Variants in RAD23B observed in about 807,000 individuals in gnomAD.
RAD23B encodes RAD23 nucleotide excision repair protein B.
A neutral mutation model predicts 49.1 loss-of-function variants in RAD23B; 5 were observed. The observed-to-expected ratio is 0.10, with a 90% CI of 0.05 to 0.21. The LOEUF (loss-of-function observed/expected upper bound fraction) is 0.21. Ranked by LOEUF, RAD23B falls within the 10% of genes least tolerant of loss-of-function variation. The pLI is 1.00. For missense variants in RAD23B, 356 were observed against 486.7 expected (o/e 0.73, Z 2.53); for synonymous variants, 184 against 165.4 (o/e 1.11, Z -0.86).
chr9:107,323,700 TA>T (rs1324003378), intron 7 of RAD23B, among the ~76,000 whole-genome samples, 189 bp from the exon 8 acceptor site: 1 of 152,136 alleles, frequency 6.6e-6, no homozygotes, highest in Non-Finnish European at 1.5e-5. Context: ...CTAATAGGAG[TA>T]ATTTTTGCCG....
rs1471504832 is a variant in RAD23B, at chr9:107,318,863, T to C, written c.665T>C (p.Val222Ala). ...RASFNNPDRA[V>A]EYLLMGIPGD... ...AGTTTCAACAACCCTGACAGAGCAG[T>C]GGAGTATCTTTTAATGGTGAGAAAT... Residue 222 changes from valine (V) to alanine (A), a missense_variant, in exon 6 of 10, where the codon GTG becomes GCG. Val to Ala is a moderately conservative substitution (Grantham distance 64). This residue lies in a region of RAD23B where 148 missense variants were observed against 231.7 expected (regional missense o/e 0.64). Coordinates refer to ENST00000358015, the MANE Select transcript of RAD23B (RefSeq NM_002874.5). This position sits in a 1 kb window ranked among gnomAD's most constrained non-coding sequence, Gnocchi z 4.3. 1 of 1,613,046 alleles carries C rather than the reference T, an allele frequency of 6.2e-7. No individual in the cohort carries two copies.
intron 5 of RAD23B, among the ~76,000 whole-genome samples, chr9:107,315,440 A>T (rs2133088641): frequency 6.6e-6 from 1 of 152,244 alleles, no homozygotes; most frequent in Admixed American, 6.5e-5. Flanking sequence ...GACATATATA[A>T]GGTTCTTCAT....
At position 107,331,875 on chromosome 9, in the gene RAD23B, G is replaced by T. The variant is rs1827316472; in HGVS notation, c.*2219G>T. The T allele has an allele frequency of 2.0e-6, 1 of 510,058 alleles. No individual in the cohort carries two copies. Among genetic ancestry groups the T allele is most frequent in the Admixed American group, 3.5e-5 (1 of 28,736 alleles). The allele number at this position is 510,058 out of a possible 1,614,324, so 31.6% of individuals were successfully genotyped here. A position where few individuals can be genotyped will look rare whatever the true frequency, so the allele number is the denominator to read the frequency against. The stretch of plus-strand genomic sequence containing the variant: ...AAGAATCAGCCGAGACACCATAAAA[G>T]AAATAGGCTTTTTGTGCCTTTTGCT... On this transcript the variant is annotated 3_prime_UTR_variant, in exon 10 of 10. Coordinates refer to ENST00000358015, the MANE Select transcript of RAD23B (RefSeq NM_002874.5).
chr9:107,315,765 C>T (rs1049630719), intron 5 of RAD23B, among the ~76,000 whole-genome samples: 3 of 152,046 alleles, frequency 2.0e-5, no homozygotes, highest in South Asian at 2.1e-4. Context: ...CCGCCTGCCT[C>T]GGCCTCCCAG....
intron 3 of RAD23B, among the ~76,000 whole-genome samples, chr9:107,303,381 T>C (rs1432532355): frequency 6.6e-6 from 1 of 152,218 alleles, no homozygotes; most frequent in Non-Finnish European, 1.5e-5. Flanking sequence ...CTAAATAGTT[T>C]ACAAGTGTTG....
At chr9:107,302,839 G>A (rs1162572704) in intron 3 of RAD23B, among the ~76,000 whole-genome samples, 2 of 151,900 alleles carry the variant, frequency 1.3e-5, no homozygotes, top group Admixed American at 6.6e-5. Context: ...TGTATTTTTA[G>A]TAGAGACAGG....
chr9:107,288,498 T>G (rs1014673333), intron 1 of RAD23B, among the ~76,000 whole-genome samples: 3 of 152,168 alleles, frequency 2.0e-5, no homozygotes, highest in Admixed American at 6.5e-5. Context: ...CAAGCTGGAG[T>G]GCAGTGGCGC....
intron 1 of RAD23B, among the ~76,000 whole-genome samples, chr9:107,295,660 G>A (rs778976624): frequency 2.6e-5 from 4 of 152,164 alleles, no homozygotes; most frequent in Non-Finnish European, 5.9e-5. Flanking sequence ...ATGGAGAAGA[G>A]GGCTAACTAG....
intron 1 of RAD23B, 80 bp downstream of exon 1, chr9:107,283,775 G>C (rs915001917): frequency 1.6e-6 from 2 of 1,241,904 alleles, no homozygotes; most frequent in South Asian, 2.5e-5. Context: ...CGGGCGGCGC[G>C]CTCCAGCGGG....
rs575340241 is a variant in RAD23B, at chr9:107,330,775, T to C, written c.*1119T>C. On this transcript the variant is annotated 3_prime_UTR_variant, in exon 10 of 10. Transcript: ENST00000358015. The surrounding 1 kb of genome is among the most constrained non-coding windows in gnomAD (Gnocchi z 4.4). ...CAAAACTATAATCCAGCATCTTTTATTGCATTGGAAAGACTGGCAAAGTCT... is the reference window on the plus strand; with the variant it reads ...CAAAACTATAATCCAGCATCTTTTACTGCATTGGAAAGACTGGCAAAGTCT... The C allele has an allele frequency of 5.8e-4, 89 of 152,768 alleles. No individual in the cohort carries two copies. Among genetic ancestry groups the C allele is most frequent in the African/African-American group, 2.1e-3 (86 of 41,564 alleles). The allele number at this position is 152,768 out of a possible 1,614,324, so 9.5% of individuals were successfully genotyped here. A position where few individuals can be genotyped will look rare whatever the true frequency, so the allele number is the denominator to read the frequency against.
In RAD23B at chr9:107,318,067, C is replaced by T. The variant is rs1392426740; in HGVS notation, c.554-685C>T. 1.3e-5 allele frequency among the ~76,000 whole-genome samples: 2 copies of T among 152,138 alleles called. No homozygotes were observed. The highest frequency in any genetic ancestry group is 6.5e-5 in the Admixed American group (1 of 15,270). Reference sequence around the variant, plus strand: ...TTCCCTGACCTCCTGCTAATTCTCCCTTACCTTCATACCTCATTTTTCTAT... The same window carrying T: ...TTCCCTGACCTCCTGCTAATTCTCCTTTACCTTCATACCTCATTTTTCTAT... On this transcript the variant is annotated intron_variant, in intron 5 of 9. Coordinates refer to ENST00000358015, the MANE Select transcript of RAD23B (RefSeq NM_002874.5). The surrounding 1 kb of genome is among the most constrained non-coding windows in gnomAD (Gnocchi z 4.3).
chr9:107,306,718 A>G, intron 4 of RAD23B, 71 bp downstream of exon 4: 1 of 1,496,494 alleles, frequency 6.7e-7, no homozygotes, highest in Non-Finnish European at 9.1e-7. Context: ...ATTTATTTTG[A>G]TTATTGTTTT....
At chr9:107,301,240 A>G (rs779043519) in intron 2 of RAD23B, among the ~76,000 whole-genome samples, 2 of 152,166 alleles carry the variant, frequency 1.3e-5, no homozygotes, top group Non-Finnish European at 2.9e-5. Flanking sequence ...TACTTTTAGT[A>G]TCTTGCTTTG....
In RAD23B at chr9:107,318,455, C is replaced by G. The variant is rs1345166872; in HGVS notation, c.554-297C>G. 2.0e-5 allele frequency among the ~76,000 whole-genome samples: 3 copies of G among 152,184 alleles called. No individual in the cohort carries two copies. The highest frequency in any genetic ancestry group is 4.4e-5 in the Non-Finnish European group (3 of 68,026). ...ATTCATGTCATTACACTGGACCCAC[C>G]TGGATAATCCAGAATGAGGTCTCTG... On this transcript the variant is annotated intron_variant, in intron 5 of 9. Coordinates refer to ENST00000358015, the MANE Select transcript of RAD23B (RefSeq NM_002874.5). This position sits in a 1 kb window ranked among gnomAD's most constrained non-coding sequence, Gnocchi z 4.3.
chr9:107,327,363 A>G (rs1331157702), intron 9 of RAD23B, among the ~76,000 whole-genome samples: 2 of 152,090 alleles, frequency 1.3e-5, no homozygotes, highest in African/African-American at 4.8e-5. Context: ...TTTTAGTTTA[A>G]GATTAAATTA....
intron 1 of RAD23B, among the ~76,000 whole-genome samples, chr9:107,291,627 A>G (rs1833386595): frequency 6.6e-6 from 1 of 152,124 alleles, no homozygotes; most frequent in Non-Finnish European, 1.5e-5. Flanking sequence ...TTTAAAATCA[A>G]ATTTGTATTT....
In RAD23B at chr9:107,324,854, G is replaced by A. The variant is rs368535246; in HGVS notation, c.966G>A (p.Glu322=). The change falls in exon 9 of 10, where the codon GAG becomes GAA. Residue 322 remains glutamate (E), a synonymous_variant. Coordinates refer to ENST00000358015, the MANE Select transcript of RAD23B (RefSeq NM_002874.5). Reference sequence around the variant, plus strand: ...CACAGCAAATTAGCCAACACCAGGAGCATTTTATTCAGATGTTAAATGAAC... The same window carrying A: ...CACAGCAAATTAGCCAACACCAGGAACATTTTATTCAGATGTTAAATGAAC... ...QLLQQISQHQ[E]HFIQMLNEPV... is the part of the protein sequence containing the mutation. The A allele has an allele frequency of 1.9e-5, 30 of 1,609,512 alleles. No homozygotes were observed. Among genetic ancestry groups the A allele is most frequent in the Non-Finnish European group, 2.4e-5 (28 of 1,178,742 alleles).
chr9:107,292,614 A>G (rs1833404401), intron 1 of RAD23B, among the ~76,000 whole-genome samples: 1 of 134,296 alleles, frequency 7.4e-6, no homozygotes, highest in Non-Finnish European at 1.5e-5. Flanking sequence ...CGTGAGGTGG[A>G]GGTTGCAGTG....
At position 107,305,157 on chromosome 9, in the gene RAD23B, G is replaced by A. The variant is rs115567679; in HGVS notation, c.229-1222G>A. Among the ~76,000 whole-genome samples, 930 of 152,198 alleles carry A rather than the reference G, an allele frequency of 6.1e-3. 13 individuals are homozygous for A. The highest frequency in any genetic ancestry group is 0.021 in the African/African-American group (883 of 41,538). ...AAAAAATACAAAAATTTAGCAGGGAGTGGTAGTGTGAGCCCGTAGTCCCAG... is the reference window on the plus strand; with the variant it reads ...AAAAAATACAAAAATTTAGCAGGGAATGGTAGTGTGAGCCCGTAGTCCCAG... On this transcript the variant is annotated intron_variant, in intron 3 of 9. Coordinates refer to ENST00000358015, the MANE Select transcript of RAD23B (RefSeq NM_002874.5).
Sources: gnomAD v4.1 joint callset for allele counts (sites outside exome capture counted in the v4.1 genomes callset) on GRCh38, gnomAD v4.1.1 for gene constraint, gnomAD v4.1.1 regional missense constraint, Gnocchi (gnomAD v3.1) non-coding constraint, MANE v1.5 for transcripts, NCBI Gene and HGNC (gene_info 2026-07-23, HGNC 2026-07-21) for gene names.